PPP4R1: variants seen among roughly 807,000 people sequenced by gnomAD.
The protein encoded by PPP4R1 is serine/threonine-protein phosphatase 4 regulatory subunit 1.
A neutral mutation model predicts 111.2 loss-of-function variants in PPP4R1; 42 were observed. The observed-to-expected ratio is 0.38, with a 90% CI of 0.29 to 0.49. PPP4R1 has a LOEUF of 0.49. Among genes scored for constraint, PPP4R1 ranks in the 20% least tolerant of loss-of-function variants. The probability of loss-of-function intolerance (pLI) is 0.97; values close to 1 mark genes in which losing one functional copy is unlikely to be tolerated. For synonymous variants in PPP4R1, 409 were observed against 405.5 expected, an observed-to-expected ratio of 1.01 and a Z score of -0.10; for missense variants, 1,012 against 1,161.6, an observed-to-expected ratio of 0.87 and a Z score of 1.87.
At chr18:9,588,649 G>A in intron 5 of PPP4R1, 62 bp downstream of exon 5, 2 of 1,422,992 alleles carry the variant, frequency 1.4e-6, no homozygotes, top group Admixed American at 2.3e-5. Context: ...CTTAGGCTCG[G>A]CTATTCTCCA....
chr18:9,580,463 C>T (rs936749153), intron 9 of PPP4R1, among the ~76,000 whole-genome samples: 2 of 151,900 alleles, frequency 1.3e-5, no homozygotes, highest in African/African-American at 4.8e-5. Context: ...CATTCTCCTG[C>T]CTCAGCCTCC....
chr18:9,548,387 A>G (rs1325421120), intron 19 of PPP4R1, among the ~76,000 whole-genome samples: 1 of 148,740 alleles, frequency 6.7e-6, no homozygotes, highest in African/African-American at 2.4e-5. Context: ...TATATTTATG[A>G]GGTGTTTTGG....
Position 9,559,515 on chromosome 18 carries a change from G to A in PPP4R1, c.1932C>T (p.His644=). The change falls in exon 14 of 20, where the codon CAC becomes CAT. Residue 644 remains histidine, a synonymous_variant. Coordinates refer to ENST00000400556, the MANE Select transcript of PPP4R1 (RefSeq NM_001042388.3). ...AQTVDTEIAK[H]CAYSLPGVAL... is the part of the protein sequence containing the mutation. ...CCACACCAGGGAGGCTATATGCACA[G>A]TGCTTAGCAATTTCAGTGTCAACCG... 1.2e-6 allele frequency: 2 copies of A among 1,613,964 alleles called. No individual in the cohort carries two copies. The highest frequency in any genetic ancestry group is 8.5e-7 in the Non-Finnish European group (1 of 1,179,870).
At chr18:9,596,320 CTAAG>C (rs1164159722) in intron 2 of PPP4R1, among the ~76,000 whole-genome samples, 4 of 152,140 alleles carry the variant, frequency 2.6e-5, no homozygotes, top group Non-Finnish European at 5.9e-5. Flanking sequence ...TCCCAAAGCC[CTAAG>C]AGCTTTCCAA....
rs764954562 is a variant in PPP4R1 at position 9,577,194 on chromosome 18, A to G, written c.919-3T>C. 5 of 1,600,012 alleles carry G rather than the reference A, an allele frequency of 3.1e-6. No homozygotes were observed. The highest frequency in any genetic ancestry group is 4.3e-6 in the Non-Finnish European group (5 of 1,175,360). On this transcript the variant is annotated splice_region_variant and splice_polypyrimidine_tract_variant and intron_variant, in intron 9 of 19. Coordinates refer to ENST00000400556, the MANE Select transcript of PPP4R1 (RefSeq NM_001042388.3). ...GACTGAAAAGCTGCTTGGCGAACCT[A>G]GGAAGATAAAAAGGACAATAATAAA...
chr18:9,587,384 T>G (rs1454718127), intron 6 of PPP4R1: 1 of 149,206 alleles, frequency 6.7e-6, no homozygotes, highest in South Asian at 2.1e-4. Context: ...TTTTCTTTCT[T>G]TCTTTCTTTC....
At chr18:9,556,030 A>T (rs550059949) in intron 15 of PPP4R1, among the ~76,000 whole-genome samples, 1 of 150,720 alleles carries the variant, frequency 6.6e-6, no homozygotes, top group South Asian at 2.1e-4. Context: ...GCTTAGTGGC[A>T]CGCACCTGTA....
intron 10 of PPP4R1, among the ~76,000 whole-genome samples, chr18:9,576,766 CTAAA>C (rs1295572227): frequency 1.3e-5 from 2 of 151,892 alleles, no homozygotes; most frequent in Admixed American, 6.6e-5. Context: ...AAATAATGTA[CTAAA>C]TAAACATTTT....
chr18:9,559,278 ACTCTTAAG>A (rs1275901464), intron 14 of PPP4R1, 133 bp downstream of exon 14: 2 of 825,928 alleles, frequency 2.4e-6, no homozygotes, highest in Non-Finnish European at 3.5e-6. Context: ...CTCTGTTATT[ACTCTTAAG>A]CTCTTCCATA....
chr18:9,554,948 C>A (rs750688742), intron 15 of PPP4R1, among the ~76,000 whole-genome samples: 2 of 152,124 alleles, frequency 1.3e-5, no homozygotes, highest in African/African-American at 4.8e-5. Flanking sequence ...AAATAACTTT[C>A]GAAACCGGGG....
At chr18:9,553,487 G>A (rs2066521405) in intron 15 of PPP4R1, 65 bp from the exon 16 acceptor site, 7 of 1,042,826 alleles carry the variant, frequency 6.7e-6, no homozygotes, top group Non-Finnish European at 1.0e-5. Context: ...TTACTAGAGT[G>A]CTTAAAAACA....
chr18:9,611,734 G>A (rs1217326150), intron 2 of PPP4R1, among the ~76,000 whole-genome samples: 3 of 152,206 alleles, frequency 2.0e-5, no homozygotes, highest in South Asian at 2.1e-4. Flanking sequence ...AGTTGCAGCC[G>A]GGCGCAGTGG....
At chr18:9,613,225 G>A (rs964119511) in intron 2 of PPP4R1, among the ~76,000 whole-genome samples, 18 of 152,098 alleles carry the variant, frequency 1.2e-4, no homozygotes, top group African/African-American at 3.4e-4. Context: ...TATATATTTT[G>A]CACACTCTGC....
intron 7 of PPP4R1, 54 bp from the exon 8 acceptor site, chr18:9,584,634 A>C: frequency 6.2e-7 from 1 of 1,604,404 alleles, no homozygotes; most frequent in African/African-American, 1.3e-5. Context: ...AGGTTCTTCT[A>C]AGATAATCTT....
At chr18:9,567,170 G>A (rs11081484) in intron 11 of PPP4R1, among the ~76,000 whole-genome samples, 30,108 of 151,984 alleles carry the variant, frequency 0.2, 3,299 homozygotes, top group East Asian at 0.48. Context: ...ATGGGAGGAG[G>A]TCAAAATATC....
chr18:9,580,538 G>A (rs562375079), intron 9 of PPP4R1, among the ~76,000 whole-genome samples: 1 of 152,256 alleles, frequency 6.6e-6, no homozygotes, highest in Non-Finnish European at 1.5e-5. Flanking sequence ...TGTTAGTAGA[G>A]ACGGGGTTTC....
intron 6 of PPP4R1, among the ~76,000 whole-genome samples, chr18:9,587,128 A>G (rs1215488101): frequency 6.6e-6 from 1 of 152,214 alleles, no homozygotes; most frequent in South Asian, 2.1e-4. Context: ...CAGTGCCTAG[A>G]AAAGTGTTCA....
chr18:9,556,854 T>C (rs2066595429), intron 15 of PPP4R1: 1 of 161,268 alleles, frequency 6.2e-6, no homozygotes, highest in African/African-American at 2.4e-5. Flanking sequence ...AGGGCAGACT[T>C]TTCCTATACG....
chr18:9,607,442 T>C (rs2067500338), intron 2 of PPP4R1, among the ~76,000 whole-genome samples: 2 of 151,956 alleles, frequency 1.3e-5, no homozygotes, highest in African/African-American at 4.8e-5. Context: ...CATCTGCCTT[T>C]GTATATGTCT....
Sources: allele counts gnomAD v4.1 joint callset (sites outside exome capture counted in the v4.1 genomes callset), GRCh38; gene constraint gnomAD v4.1.1; transcripts MANE v1.5; gene names NCBI Gene and HGNC (gene_info 2026-07-23, HGNC 2026-07-21).